The following CCSER1 variants were observed in gnomAD, a reference collection of about 807,000 sequenced individuals.
CCSER1 encodes the protein coiled-coil serine rich protein 1, also known as serine-rich coiled-coil domain-containing protein 1.
CCSER1 carries 41 observed loss-of-function variants against 82.0 expected under a neutral mutation model. That is an observed-to-expected ratio of 0.50 (90% CI 0.39 to 0.65). CCSER1 has a LOEUF of 0.65. Among genes scored for constraint, CCSER1 ranks in the 30% least tolerant of loss-of-function variants. The pLI is 0.00. For missense variants in CCSER1, 1,119 were observed against 1,064.2 expected (o/e 1.05, Z -0.72); for synonymous variants, 414 against 383.9 (o/e 1.08, Z -0.92).
intron 9 of CCSER1, among the ~76,000 whole-genome samples, chr4:91,062,439 G>T (rs1163012226): frequency 1.3e-5 from 2 of 152,040 alleles, no homozygotes; most frequent in African/African-American, 4.8e-5. Flanking sequence ...CCCAACTTCA[G>T]GGCTCATTTC....
chr4:90,433,548 A>T (rs1024911392), intron 4 of CCSER1, among the ~76,000 whole-genome samples: 9 of 152,252 alleles, frequency 5.9e-5, no homozygotes, highest in African/African-American at 2.2e-4. Context: ...TGTCTTTAGC[A>T]TGATAATGAC....
chr4:90,341,929 A>G (rs1468195250), intron 3 of CCSER1, among the ~76,000 whole-genome samples: 3 of 152,124 alleles, frequency 2.0e-5, no homozygotes, highest in Non-Finnish European at 4.4e-5. Flanking sequence ...CCTCAATGTA[A>G]ATATAAGCTT....
chr4:90,467,972 T>A lies in CCSER1; in HGVS notation c.1604-262T>A, dbSNP rs77468207. The stretch of plus-strand genomic sequence containing the variant: ...AACTTAAGCACTTTTCATTCTTTGA[T>A]GAAAAGCTTTTTTAGAGAAGGACTA... On this transcript the variant is annotated intron_variant, in intron 4 of 10. Coordinates refer to ENST00000509176, the MANE Select transcript of CCSER1 (RefSeq NM_001145065.2). Among the ~76,000 whole-genome samples, 4,020 of 152,214 alleles carry A rather than the reference T, an allele frequency of 0.026. 187 individuals are homozygous for A. The highest frequency in any genetic ancestry group is 0.092 in the African/African-American group (3,811 of 41,520).
intron 3 of CCSER1, among the ~76,000 whole-genome samples, chr4:90,329,038 T>C (rs982699406): frequency 6.6e-6 from 1 of 152,236 alleles, no homozygotes; most frequent in Non-Finnish European, 1.5e-5. Flanking sequence ...ATCTTTCATA[T>C]GCTGTAAGAA....
intron 10 of CCSER1, among the ~76,000 whole-genome samples, chr4:91,552,144 G>T (rs1762188896): frequency 6.7e-6 from 1 of 149,256 alleles, no homozygotes; most frequent in African/African-American, 2.5e-5. Context: ...TGCTCAGATG[G>T]CTAAACTACC....
chr4:90,665,599 G>C (rs540309122), intron 6 of CCSER1, among the ~76,000 whole-genome samples: 80 of 152,266 alleles, frequency 5.3e-4, no homozygotes, highest in Non-Finnish European at 1.0e-3. Context: ...GGGATTACAG[G>C]TATAAGCCAG....
At chr4:91,447,824 T>C (rs570679347) in intron 10 of CCSER1, among the ~76,000 whole-genome samples, 109 of 152,252 alleles carry the variant, frequency 7.2e-4, no homozygotes, top group African/African-American at 2.5e-3. Context: ...AATATACTTA[T>C]TTGTCTACAT....
chr4:90,803,913 G>A (rs1006899243), intron 7 of CCSER1, among the ~76,000 whole-genome samples: 45 of 152,242 alleles, frequency 3.0e-4, no homozygotes, highest in Middle Eastern at 3.4e-3. Context: ...TCTAACTGGC[G>A]TGAGATGGTG....
At chr4:90,524,719 G>A (rs1410937605) in intron 5 of CCSER1, among the ~76,000 whole-genome samples, 4 of 151,958 alleles carry the variant, frequency 2.6e-5, no homozygotes, top group South Asian at 4.1e-4. Context: ...CGTCTGCCTC[G>A]GCCTCCCAAA....
At chr4:91,535,203 A>G (rs1312278946) in intron 10 of CCSER1, among the ~76,000 whole-genome samples, 1 of 152,028 alleles carries the variant, frequency 6.6e-6, no homozygotes, top group African/African-American at 2.4e-5. Flanking sequence ...TATGTTACAT[A>G]GGTTGGGTAG....
At chr4:90,331,392 A>G (rs1044597636) in intron 3 of CCSER1, among the ~76,000 whole-genome samples, 1 of 152,142 alleles carries the variant, frequency 6.6e-6, no homozygotes, top group African/African-American at 2.4e-5. Flanking sequence ...ATTAGGTACT[A>G]TTTTAGGGCA....
intron 5 of CCSER1, among the ~76,000 whole-genome samples, chr4:90,534,441 T>TTGTGTGTGTGTG (rs376987549): frequency 6.0e-4 from 82 of 136,468 alleles, no homozygotes; most frequent in African/African-American, 9.0e-4. Flanking sequence ...TGCCAGCCTT[T>TTGTGTGTGTGTG]TGTGTGTGTG....
At chr4:90,710,565 A>G (rs936610456) in intron 6 of CCSER1, among the ~76,000 whole-genome samples, 2 of 152,104 alleles carry the variant, frequency 1.3e-5, no homozygotes, top group Non-Finnish European at 2.9e-5. Flanking sequence ...CAGTTCTCCC[A>G]GCACCATTTA....
intron 10 of CCSER1, among the ~76,000 whole-genome samples, chr4:91,124,421 AT>A (rs1030487290): frequency 3.3e-5 from 5 of 151,640 alleles, no homozygotes; most frequent in Non-Finnish European, 5.9e-5. Context: ...TTTACATATT[AT>A]TTTTTTCCCA....
intron 7 of CCSER1, among the ~76,000 whole-genome samples, chr4:90,726,124 A>G (rs1743593633): frequency 6.6e-6 from 1 of 151,936 alleles, no homozygotes; most frequent in South Asian, 2.1e-4. Context: ...GGAAGTAATT[A>G]GATTACTAGA....
At chr4:91,459,604 G>A (rs1014519237) in intron 10 of CCSER1, among the ~76,000 whole-genome samples, 1 of 152,096 alleles carries the variant, frequency 6.6e-6, no homozygotes, top group African/African-American at 2.4e-5. Flanking sequence ...ATATTTGATT[G>A]GCTGCCAGGC....
intron 8 of CCSER1, among the ~76,000 whole-genome samples, chr4:90,913,530 C>T (rs1360868902): frequency 6.6e-6 from 1 of 152,120 alleles, no homozygotes; most frequent in African/African-American, 2.4e-5. Context: ...CCAGCCACTG[C>T]AAAAAGATGC....
chr4:91,248,641 A>C (rs1018002436), intron 10 of CCSER1, among the ~76,000 whole-genome samples: 3 of 152,210 alleles, frequency 2.0e-5, no homozygotes, highest in African/African-American at 7.2e-5. Flanking sequence ...AGAAACTGTC[A>C]CAGCTTAAGA....
At chr4:90,714,238 A>G (rs556457326) in intron 6 of CCSER1, among the ~76,000 whole-genome samples, 21 of 151,814 alleles carry the variant, frequency 1.4e-4, no homozygotes, top group Admixed American at 5.3e-4. Flanking sequence ...TCCTTTTTCT[A>G]TCTATTTATT....
Sources: allele counts gnomAD v4.1 joint callset (sites outside exome capture counted in the v4.1 genomes callset), GRCh38; gene constraint gnomAD v4.1.1; transcripts MANE v1.5; gene names NCBI Gene and HGNC (gene_info 2026-07-23, HGNC 2026-07-21).